The following LMLN variants were observed in gnomAD, a reference collection of about 807,000 sequenced individuals.
The protein encoded by LMLN is leishmanolysin-like peptidase.
In LMLN, 70 loss-of-function variants were observed where a neutral mutation model predicts 92.3. The ratio of observed to expected loss-of-function variants is 0.76; its 90% CI spans 0.63 to 0.92. The LOEUF is 0.92. LMLN is among the 40% of genes least tolerant of loss of function. LMLN has a pLI of 0.00. For missense variants in LMLN, 691 were observed against 814.6 expected, an observed-to-expected ratio of 0.85 and a Z score of 1.85; for synonymous variants, 308 against 296.2, an observed-to-expected ratio of 1.04 and a Z score of -0.41.
intron 1 of LMLN, among the ~76,000 whole-genome samples, chr3:197,962,247 C>T (rs1480150825): frequency 1.3e-5 from 2 of 151,772 alleles, no homozygotes; most frequent in African/African-American, 2.4e-5. Flanking sequence ...GGTATGTACT[C>T]CTCTGTATTT....
chr3:197,960,320 G>A, exon 1 of LMLN: 1 of 1,613,906 alleles, frequency 6.2e-7, no homozygotes, highest in Non-Finnish European at 8.5e-7. Flanking sequence ...GCTGGAGCGG[G>A]TCTGTGTGGG....
rs1419990523 is a variant in LMLN, at chr3:198,038,543, T to A, written c.1868-24T>A. ...TTATCCCAAAATTGTTTATAGAAAG[T>A]CAGTTTTTTGTTTTCAACTCTAGAT... On this transcript the variant is annotated intron_variant, in intron 15 of 15. Transcript: ENST00000330198. The A allele has an allele frequency of 5.2e-6, 8 of 1,533,436 alleles. No homozygotes were observed. In the East Asian group the frequency reaches 1.8e-4, roughly 35 times the overall value. 95.0% of individuals were successfully genotyped at this position (1,533,436 alleles called of 1,614,324 possible). A position where few individuals can be genotyped will look rare whatever the true frequency, so the allele number is the denominator to read the frequency against.
At chr3:198,039,398 T>C (rs1354609388) in exon 16 of LMLN, 1 of 152,240 alleles carries the variant, frequency 6.6e-6, no homozygotes, top group Non-Finnish European at 1.5e-5. Context: ...AAATTGTCCT[T>C]TGAGTTATAG....
At chr3:198,013,424 C>G (rs1249523455) in intron 11 of LMLN, among the ~76,000 whole-genome samples, 18 of 111,906 alleles carry the variant, frequency 1.6e-4, no homozygotes, top group South Asian at 9.0e-4. Context: ...TGACTTCTCT[C>G]CACCCTTCAG....
chr3:197,995,001 ATTGACCC>A (rs1721979376), intron 9 of LMLN, among the ~76,000 whole-genome samples: 2 of 152,304 alleles, frequency 1.3e-5, no homozygotes, highest in East Asian at 3.9e-4. Flanking sequence ...GTTATACACA[ATTGACCC>A]TTGAACAACA....
intron 2 of LMLN, among the ~76,000 whole-genome samples, 167 bp downstream of exon 2, chr3:197,974,641 C>A (rs1278610102): frequency 1.3e-5 from 2 of 152,176 alleles, no homozygotes; most frequent in African/African-American, 4.8e-5. Context: ...AATATGAAAG[C>A]CATGGGATAT....
At chr3:198,002,400 G>T (rs1311824166) in intron 11 of LMLN, among the ~76,000 whole-genome samples, 3 of 152,190 alleles carry the variant, frequency 2.0e-5, no homozygotes, top group Admixed American at 2.0e-4. Context: ...AGAGTGCTGG[G>T]GTTACAAATG....
chr3:198,039,839 TTCA>T (rs1465361947), exon 16 of LMLN: 8 of 152,204 alleles, frequency 5.3e-5, no homozygotes, highest in African/African-American at 1.9e-4. Flanking sequence ...GCCCTCTGTA[TTCA>T]TCCCTCTTCA....
At chr3:197,971,086 CTTCTG>C (rs1252120003) in intron 1 of LMLN, among the ~76,000 whole-genome samples, 1 of 152,110 alleles carries the variant, frequency 6.6e-6, no homozygotes, top group Non-Finnish European at 1.5e-5. Context: ...ATTTCATTGT[CTTCTG>C]TTCTTTATTG....
chr3:197,991,568 C>T lies in LMLN; in HGVS notation c.1047+892C>T, dbSNP rs541673817. On this transcript the variant is annotated intron_variant, in intron 9 of 15. Transcript: ENST00000330198. ...GGGGAGGTCAGTCTTTGTTCTCTTC[C>T]GGCCTTCTCCTGATTGGGTGATGCC... Among the ~76,000 whole-genome samples, 5 of 152,170 alleles carry T rather than the reference C, an allele frequency of 3.3e-5. No individual in the cohort carries two copies. The South Asian group carries it at 8.3e-4, about 25-fold the overall frequency.
At chr3:197,976,991 T>C (rs1009006012) in intron 5 of LMLN, among the ~76,000 whole-genome samples, 2 of 152,230 alleles carry the variant, frequency 1.3e-5, no homozygotes, top group Admixed American at 6.5e-5. Flanking sequence ...TTCCAAAATA[T>C]CTTTTAGCAA....
In LMLN at chr3:197,974,362, C is replaced by G. The variant is rs367760104; in HGVS notation, c.220-15C>G. 8 of 1,393,968 alleles carry G rather than the reference C, an allele frequency of 5.7e-6. No homozygotes were observed. Among genetic ancestry groups the G allele is most frequent in the Non-Finnish European group, 8.1e-6 (8 of 991,924 alleles). 86.3% of individuals were successfully genotyped at this position (1,393,968 alleles called of 1,614,324 possible). On this transcript the variant is annotated splice_polypyrimidine_tract_variant and intron_variant, in intron 1 of 15. Transcript: ENST00000330198. ...GTATGTCTTAAACAGTTTTCAAATC[C>G]GTTCCTTTTTTCAGGTCATAAATAA...
At chr3:198,029,571 G>A (rs575485273) in intron 14 of LMLN, among the ~76,000 whole-genome samples, 1 of 152,244 alleles carries the variant, frequency 6.6e-6, no homozygotes, top group South Asian at 2.1e-4. Flanking sequence ...TATTCAGGTG[G>A]CTGAGGCATG....
At chr3:198,036,526 T>G (rs957477348) in intron 15 of LMLN, among the ~76,000 whole-genome samples, 1 of 151,902 alleles carries the variant, frequency 6.6e-6, no homozygotes, top group Non-Finnish European at 1.5e-5. Flanking sequence ...CAGAGAGATG[T>G]GGGCTGGCAA....
intron 14 of LMLN, among the ~76,000 whole-genome samples, chr3:198,032,721 A>G (rs1723110639): frequency 6.6e-6 from 1 of 152,154 alleles, no homozygotes; most frequent in South Asian, 2.1e-4. Flanking sequence ...GAGGGCACCA[A>G]GCTATTCATG....
At chr3:198,015,682 C>T (rs1181499253) in intron 11 of LMLN, among the ~76,000 whole-genome samples, 1 of 150,672 alleles carries the variant, frequency 6.6e-6, no homozygotes, top group African/African-American at 2.5e-5. Context: ...TGACTTCCCT[C>T]CACCCTTCAG....
At chr3:198,024,132 C>A (rs902673131) in intron 13 of LMLN, among the ~76,000 whole-genome samples, 2 of 151,974 alleles carry the variant, frequency 1.3e-5, no homozygotes, top group Non-Finnish European at 2.9e-5. Context: ...AGTTTTATTC[C>A]CTTGTGTCTG....
At chr3:197,991,118 T>C in intron 9 of LMLN, among the ~76,000 whole-genome samples, 1 of 151,192 alleles carries the variant, frequency 6.6e-6, no homozygotes. Flanking sequence ...TTTCTTTTTT[T>C]TTTTTTTTGA....
intron 8 of LMLN, among the ~76,000 whole-genome samples, chr3:197,988,591 C>T (rs1328164991): frequency 6.7e-6 from 1 of 148,180 alleles, no homozygotes; most frequent in Non-Finnish European, 1.5e-5. Flanking sequence ...TCTTCCCAGG[C>T]TCAGGTGATC....
Sources: gnomAD v4.1 joint callset for allele counts (sites outside exome capture counted in the v4.1 genomes callset) on GRCh38, gnomAD v4.1.1 for gene constraint, MANE v1.5 for transcripts, NCBI Gene and HGNC (gene_info 2026-07-23, HGNC 2026-07-21) for gene names.